The following MOGAT2 variants were observed in gnomAD, a reference collection of about 807,000 sequenced individuals.
MOGAT2 encodes monoacylglycerol O-acyltransferase 2.
A neutral mutation model predicts 31.5 loss-of-function variants in MOGAT2; 27 were observed. The observed-to-expected ratio is 0.86, with a 90% CI of 0.63 to 1.18. The LOEUF (loss-of-function observed/expected upper bound fraction) is 1.18, where lower values mean the gene tolerates loss of function less well. Ranked by LOEUF, MOGAT2 falls within the 50% of genes most tolerant of loss-of-function variation. The probability of loss-of-function intolerance (pLI) is 0.00; values close to 1 mark genes in which losing one functional copy is unlikely to be tolerated. For synonymous variants in MOGAT2, 163 were observed against 170.0 expected (o/e 0.96, Z 0.32); for missense variants, 436 against 433.2 (o/e 1.01, Z -0.06).
Position 75,728,887 on chromosome 11 carries a change from T to C in MOGAT2, c.748T>C (p.Leu250=). The part of the protein sequence containing the change: ...GSWLRYIQNR[L]QKIMGISLPL... ...CTGGTTACGCTATATCCAGAATCGG[T>C]TGCAGAAGATCATGGGCATCTCCCT... The change falls in exon 5 of 6, where the codon TTG becomes CTG. Residue 250 remains leucine, a synonymous_variant. Coordinates refer to ENST00000198801, the MANE Select transcript of MOGAT2 (RefSeq NM_025098.4). 4.3e-6 allele frequency: 7 copies of C among 1,614,226 alleles called. No individual in the cohort carries two copies. Among genetic ancestry groups the C allele is most frequent in the Non-Finnish European group, 5.9e-6 (7 of 1,180,028 alleles).
At position 75,728,021 on chromosome 11, in the gene MOGAT2, G is replaced by A; in HGVS notation, c.527G>A (p.Gly176Asp). 6.2e-7 allele frequency: 1 copy of A among 1,613,980 alleles called. No individual in the cohort carries two copies. Residue 176 changes from glycine (G) to aspartate (D), a missense_variant, in exon 4 of 6, where the codon GGT (glycine) becomes GAT (aspartate). Coordinates refer to ENST00000198801, the MANE Select transcript of MOGAT2 (RefSeq NM_025098.4). ...ESAAHILNRK[G>D]GGNLLGIIVG... ...GCTGCTCACATTCTGAACAGGAAGG[G>A]TGGCGGAAACTTGCTGGGCATCATT...
Position 75,720,081 on chromosome 11 carries a change from C to A in MOGAT2, c.181C>A (p.Arg61=). 6.2e-7 allele frequency: 1 copy of A among 1,614,150 alleles called. No individual in the cohort carries two copies. Among genetic ancestry groups the A allele is most frequent in the Non-Finnish European group, 8.5e-7 (1 of 1,180,036 alleles). Residue 61 remains arginine, a synonymous_variant, in exon 2 of 6, where the codon CGA becomes AGA. Coordinates refer to ENST00000198801, the MANE Select transcript of MOGAT2 (RefSeq NM_025098.4). ...GTATGCGGCCTGGTGGTATCTGGAC[C>A]GAGACAAGCCACGGCAGGGGGGCCG... ...VLYAAWWYLD[R]DKPRQGGRHI... is the part of the protein sequence containing the mutation.
At chr11:75,729,771 G>A (rs1007687228) in intron 5 of MOGAT2, among the ~76,000 whole-genome samples, 1 of 120,902 alleles carries the variant, frequency 8.3e-6, no homozygotes, top group Non-Finnish European at 1.6e-5. Context: ...TTGAGACAGA[G>A]TCCTGCTCTG....
chr11:75,731,304 A>C lies in MOGAT2; in HGVS notation c.*18A>C. On this transcript the variant is annotated 3_prime_UTR_variant, in exon 6 of 6. Transcript: ENST00000198801. ...TCTGCTGAGCCCAAAGGGCAGGGCC[A>C]ACATTAGGGAGCCCAGCAGGAGGTG... 1.9e-6 allele frequency: 3 copies of C among 1,611,636 alleles called. No homozygotes were observed. In the East Asian group the frequency reaches 6.7e-5, roughly 36 times the overall value.
Position 75,727,576 on chromosome 11 carries a change from C to T in MOGAT2, c.412C>T (p.His138Tyr), listed in dbSNP as rs368100933. The change falls in exon 3 of 6, where the codon CAT becomes TAT. Residue 138 changes from histidine (H) to tyrosine (Y), a missense_variant. Coordinates refer to ENST00000198801, the MANE Select transcript of MOGAT2 (RefSeq NM_025098.4). ...FSSIFPGIRPHLMMLTLWFRA... is the reference protein window; with the variant it reads ...FSSIFPGIRPYLMMLTLWFRA... Reference sequence around the variant, plus strand: ...TTCGATCTTCCCCGGTATCCGCCCCCATCTGATGATGCTGACCTTGTGGTT... The same window carrying T: ...TTCGATCTTCCCCGGTATCCGCCCCTATCTGATGATGCTGACCTTGTGGTT... 195 of 1,614,088 alleles carry T rather than the reference C, an allele frequency of 1.2e-4. No individual in the cohort carries two copies. The highest frequency in any genetic ancestry group is 1.6e-4 in the Non-Finnish European group (189 of 1,180,038).
At chr11:75,728,714 A>T in intron 4 of MOGAT2, 76 bp from the exon 5 acceptor site, 1 of 1,286,556 alleles carries the variant, frequency 7.8e-7, no homozygotes, top group Non-Finnish European at 1.1e-6. Context: ...GAGTCCCTGC[A>T]GGAAGCTAAA....
intron 3 of MOGAT2, 150 bp from the exon 4 acceptor site, chr11:75,727,820 A>G (rs1476025206): frequency 5.9e-6 from 6 of 1,015,776 alleles, no homozygotes; most frequent in Non-Finnish European, 8.6e-6. Context: ...GAGGGAGAAG[A>G]CTCAGGGAGC....
chr11:75,729,354 A>C (rs553502547), intron 5 of MOGAT2, among the ~76,000 whole-genome samples: 21 of 152,284 alleles, frequency 1.4e-4, no homozygotes, highest in Admixed American at 5.2e-4. Context: ...AGCTCACTGC[A>C]ACCTCCGCCT....
intron 1 of MOGAT2, chr11:75,719,778 G>A (rs1347252309): frequency 1.3e-5 from 7 of 553,814 alleles, no homozygotes; most frequent in African/African-American, 7.5e-5. Flanking sequence ...TAGGCTCAAC[G>A]CGTGCTCCCA....
rs201057349 is a variant in MOGAT2, at chr11:75,720,169, C to T, written c.269C>T (p.Ser90Leu). The change falls in exon 2 of 6, where the codon TCG (serine) becomes TTG (leucine). Residue 90 changes from serine (S) to leucine (L), a missense_variant and splice_region_variant. Coordinates refer to ENST00000198801, the MANE Select transcript of MOGAT2 (RefSeq NM_025098.4). ...TACATGAAGGACTATTTCCCCATCT[C>T]GGTGAGTATTGAGGCTGGTTGGGGT... ...WKYMKDYFPI[S>L]LVKTAELDPS... The T allele has an allele frequency of 2.0e-4, 330 of 1,611,262 alleles. No homozygotes were observed. The highest frequency in any genetic ancestry group is 4.5e-4 in the Admixed American group (27 of 59,920).
chr11:75,719,756 G>A (rs1204407991), intron 1 of MOGAT2: 3 of 520,648 alleles, frequency 5.8e-6, no homozygotes, highest in Non-Finnish European at 6.9e-6. Context: ...GAGCTTTGGA[G>A]TTAGGCCTAC....
At chr11:75,723,064 C>T (rs60847368) in intron 2 of MOGAT2, among the ~76,000 whole-genome samples, 3,236 of 152,110 alleles carry the variant, frequency 0.021, 96 homozygotes, top group African/African-American at 0.072. Context: ...CAGGTTCAAG[C>T]GATTCTCCTG....
rs1590845518 is a variant in MOGAT2 at position 75,731,838 on chromosome 11, C to T, written c.*552C>T. ...AAAAGCCTGAAGCACAAGCACTCTC[C>T]ACCCCAGGCACACACACCCTGGAAT... On this transcript the variant is annotated 3_prime_UTR_variant, in exon 6 of 6. Transcript: ENST00000198801. 1.3e-5 allele frequency: 2 copies of T among 152,548 alleles called. No individual in the cohort carries two copies. The highest frequency in any genetic ancestry group is 4.1e-4 in the South Asian group (2 of 4,840). 9.4% of individuals were successfully genotyped at this position (152,548 alleles called of 1,614,324 possible). A position where few individuals can be genotyped will look rare whatever the true frequency, so the allele number is the denominator to read the frequency against.
At chr11:75,718,053 C>A in intron 1 of MOGAT2, 74 bp downstream of exon 1, 1 of 1,381,894 alleles carries the variant, frequency 7.2e-7, no homozygotes, top group Non-Finnish European at 1.0e-6. Flanking sequence ...CAGGTGCACA[C>A]AGCACATTGA....
intron 2 of MOGAT2, 140 bp downstream of exon 2, chr11:75,720,310 TC>T: frequency 2.3e-6 from 2 of 871,394 alleles, no homozygotes; most frequent in East Asian, 5.0e-5. Flanking sequence ...AGCTAGGGCT[TC>T]CGCTACTATG....
chr11:75,719,065 C>G lies in MOGAT2; in HGVS notation c.92-927C>G, dbSNP rs1590836629. Among the ~76,000 whole-genome samples the G allele has an allele frequency of 2.6e-5, 4 of 152,286 alleles. No individual in the cohort carries two copies. The South Asian group carries it at 8.3e-4, about 32-fold the overall frequency. The stretch of plus-strand genomic sequence containing the variant: ...AAAAACTCCCCCTTGGCAAAGCAGG[C>G]CCTCCAGGACCCTGCCCTAGCATCC... On this transcript the variant is annotated intron_variant, in intron 1 of 5. Transcript: ENST00000198801.
Position 75,728,624 on chromosome 11 carries a change from G to T in MOGAT2, c.651-166G>T, listed in dbSNP as rs1427348724. 9.5e-6 allele frequency: 6 copies of T among 631,848 alleles called. No homozygotes were observed. The East Asian group carries it at 1.6e-4, about 17-fold the overall frequency. The allele number at this position is 631,848 out of a possible 1,614,324, so 39.1% of individuals were successfully genotyped here. ...GGGACCTGCCCAAGGTCAGAGAATG[G>T]GGCTGTGAAGGTCTGGGAGATAACC... On this transcript the variant is annotated intron_variant, in intron 4 of 5. Transcript: ENST00000198801.
chr11:75,725,489 A>C (rs1472840992), intron 2 of MOGAT2, among the ~76,000 whole-genome samples: 2 of 152,146 alleles, frequency 1.3e-5, no homozygotes, highest in African/African-American at 2.4e-5. Context: ...TGGAGGTTGC[A>C]GTGAGCTGAG....
intron 2 of MOGAT2, among the ~76,000 whole-genome samples, chr11:75,726,900 T>C (rs960402531): frequency 2.6e-5 from 4 of 152,048 alleles, no homozygotes; most frequent in Non-Finnish European, 5.9e-5. Context: ...AGTTTCACCA[T>C]GTTGGTCTCA....
Sources: gnomAD v4.1 joint callset for allele counts (sites outside exome capture counted in the v4.1 genomes callset) on GRCh38, gnomAD v4.1.1 for gene constraint, MANE v1.5 for transcripts, NCBI Gene and HGNC (gene_info 2026-07-23, HGNC 2026-07-21) for gene names.